Variants in RSPO2 observed in about 807,000 individuals in gnomAD.
The protein encoded by RSPO2 is R-spondin 2.
Under a neutral mutation model 30.9 loss-of-function variants are expected in RSPO2, and 14 were observed. That is an observed-to-expected ratio of 0.45 (90% CI 0.30 to 0.71). The LOEUF is 0.71. Among genes scored for constraint, RSPO2 ranks in the 30% least tolerant of loss-of-function variants. RSPO2 has a pLI of 0.08. For missense variants in RSPO2, 264 were observed against 301.9 expected, an observed-to-expected ratio of 0.87 and a Z score of 0.93; for synonymous variants, 107 against 96.4, an observed-to-expected ratio of 1.11 and a Z score of -0.64.
chr8:107,977,301 C>A (rs1167823217), intron 3 of RSPO2, among the ~76,000 whole-genome samples: 1 of 152,144 alleles, frequency 6.6e-6, no homozygotes, highest in Non-Finnish European at 1.5e-5. Context: ...AGTCTTTGAG[C>A]CAGTCGGGTC....
At chr8:108,047,938 A>G (rs1054023770) in intron 2 of RSPO2, among the ~76,000 whole-genome samples, 3 of 151,852 alleles carry the variant, frequency 2.0e-5, no homozygotes, top group Non-Finnish European at 4.4e-5. Flanking sequence ...GCAGGTTAAG[A>G]GATTGACACA....
rs184979573 is a variant in RSPO2, at chr8:107,923,699, A to C, written c.617-22509T>G. ...CCCATCAATGATAGACTGGATAAAG[A>C]AAATGTAGTACATATATACCATGGA... On this transcript the variant is annotated intron_variant, in intron 5 of 5. Coordinates refer to ENST00000276659, the MANE Select transcript of RSPO2 (RefSeq NM_178565.5). Among the ~76,000 whole-genome samples the C allele has an allele frequency of 3.4e-3, 521 of 152,322 alleles. 2 individuals are homozygous for C. The highest frequency in any genetic ancestry group is 0.012 in the African/African-American group (492 of 41,568).
rs13263690 is a variant in RSPO2 at position 108,029,092 on chromosome 8, T to G, written c.95-39848A>C. ...TTTTTTTTTTTTTTTTTTTTTTTTT[T>G]GCCTAAAAAGGAAATCCTCTGCATC... On this transcript the variant is annotated intron_variant, in intron 2 of 5. Coordinates refer to ENST00000276659, the MANE Select transcript of RSPO2 (RefSeq NM_178565.5). Among the ~76,000 whole-genome samples the G allele has an allele frequency of 8.5e-3, 952 of 112,402 alleles. 24 individuals are homozygous for G. Among genetic ancestry groups the G allele is most frequent in the African/African-American group, 0.035 (886 of 25,336 alleles). 73.7% of individuals were successfully genotyped at this position (112,402 alleles called of 152,430 possible). A position where few individuals can be genotyped will look rare whatever the true frequency, so the allele number is the denominator to read the frequency against.
chr8:108,010,599 A>G (rs1425329331), intron 2 of RSPO2, among the ~76,000 whole-genome samples: 2 of 152,158 alleles, frequency 1.3e-5, no homozygotes, highest in Non-Finnish European at 2.9e-5. Flanking sequence ...AGATGCAGAG[A>G]GCCTGGACAC....
At chr8:108,037,769 C>T (rs1811640898) in intron 2 of RSPO2, among the ~76,000 whole-genome samples, 1 of 152,140 alleles carries the variant, frequency 6.6e-6, no homozygotes. Flanking sequence ...ATTATACTAG[C>T]TCTACTCTGC....
chr8:108,003,653 A>G (rs964786658), intron 2 of RSPO2, among the ~76,000 whole-genome samples: 7 of 152,114 alleles, frequency 4.6e-5, no homozygotes, highest in African/African-American at 1.7e-4. Flanking sequence ...AAAAAACAGC[A>G]AAGTCAAAAT....
chr8:107,962,247 T>C (rs915169486), intron 3 of RSPO2, among the ~76,000 whole-genome samples: 4 of 152,142 alleles, frequency 2.6e-5, no homozygotes, highest in African/African-American at 9.7e-5. Flanking sequence ...GTTAAATCAC[T>C]GAAGATTTCA....
intron 5 of RSPO2, among the ~76,000 whole-genome samples, chr8:107,926,898 T>C (rs1189090403): frequency 2.0e-5 from 3 of 152,218 alleles, no homozygotes; most frequent in African/African-American, 4.8e-5. Context: ...TGGTTCCATA[T>C]GAACTTTAAA....
intron 2 of RSPO2, among the ~76,000 whole-genome samples, chr8:108,065,883 C>A (rs1337123609): frequency 6.6e-6 from 1 of 151,850 alleles, no homozygotes; most frequent in Admixed American, 6.6e-5. Context: ...ACTAAAAATA[C>A]AAAAATTAGC....
At chr8:107,908,377 A>T (rs1811718996) in intron 5 of RSPO2, among the ~76,000 whole-genome samples, 1 of 152,230 alleles carries the variant, frequency 6.6e-6, no homozygotes, top group Non-Finnish European at 1.5e-5. Flanking sequence ...AAGCACAAAC[A>T]AGAAGAGATA....
chr8:108,059,958 A>T (rs200825505), intron 2 of RSPO2, among the ~76,000 whole-genome samples: 1 of 151,504 alleles, frequency 6.6e-6, no homozygotes, highest in South Asian at 2.1e-4. Flanking sequence ...CATATGTAAC[A>T]AACCTGCACA....
chr8:107,966,260 T>A (rs1813801324), intron 3 of RSPO2, among the ~76,000 whole-genome samples: 1 of 152,162 alleles, frequency 6.6e-6, no homozygotes, highest in South Asian at 2.1e-4. Flanking sequence ...GCCATGAGCA[T>A]AACATCACCA....
intron 2 of RSPO2, among the ~76,000 whole-genome samples, chr8:107,998,449 T>C (rs188173676): frequency 2.0e-5 from 3 of 152,284 alleles, no homozygotes; most frequent in Admixed American, 2.0e-4. Context: ...AAAATGCCTA[T>C]CTTAAGATAC....
At position 108,060,524 on chromosome 8, in the gene RSPO2, T is replaced by C. The variant is rs531606418; in HGVS notation, c.94+22021A>G. Among the ~76,000 whole-genome samples, 17 of 151,830 alleles carry C rather than the reference T, an allele frequency of 1.1e-4. No individual in the cohort carries two copies. In the South Asian group the frequency reaches 1.9e-3, roughly 17 times the overall value. On this transcript the variant is annotated intron_variant, in intron 2 of 5. Coordinates refer to ENST00000276659, the MANE Select transcript of RSPO2 (RefSeq NM_178565.5). ...AAACAAACAAAGCCTCCAAGAAATA[T>C]GGGACTATGTGAAAAGACCAAATCT...
intron 3 of RSPO2, among the ~76,000 whole-genome samples, chr8:107,976,362 A>G (rs1461603612): frequency 1.3e-5 from 2 of 152,210 alleles, no homozygotes; most frequent in Non-Finnish European, 2.9e-5. Flanking sequence ...AGCTCTCCAT[A>G]CTGTGTGTCC....
In RSPO2 at chr8:108,022,893, C is replaced by T. The variant is rs1039498315; in HGVS notation, c.95-33649G>A. 5.3e-5 allele frequency among the ~76,000 whole-genome samples: 8 copies of T among 150,588 alleles called. No individual in the cohort carries two copies. In the East Asian group the frequency reaches 1.2e-3, roughly 22 times the overall value. On this transcript the variant is annotated intron_variant, in intron 2 of 5. Transcript: ENST00000276659. ...TGAGCTGAGATTGCACCATTGCACT[C>T]CAGCCTGGACAACAAGAACAAAACT...
intron 5 of RSPO2, among the ~76,000 whole-genome samples, chr8:107,955,372 G>A (rs1379689418): frequency 1.3e-5 from 2 of 152,064 alleles, no homozygotes; most frequent in African/African-American, 2.4e-5. Flanking sequence ...AAGTTGACAC[G>A]ATGTAGGGAC....
chr8:108,079,393 T>C (rs1813115114), intron 2 of RSPO2, among the ~76,000 whole-genome samples: 2 of 152,154 alleles, frequency 1.3e-5, no homozygotes, highest in Admixed American at 1.3e-4. Flanking sequence ...AGTCTTATTG[T>C]TCGTGATGAT....
At chr8:108,077,722 CTATT>C (rs1180671287) in intron 2 of RSPO2, among the ~76,000 whole-genome samples, 1 of 152,052 alleles carries the variant, frequency 6.6e-6, no homozygotes, top group Non-Finnish European at 1.5e-5. Flanking sequence ...AGCATGTTTT[CTATT>C]TATTCTGGAT....
Sources: allele counts gnomAD v4.1 joint callset (sites outside exome capture counted in the v4.1 genomes callset), GRCh38; gene constraint gnomAD v4.1.1; transcripts MANE v1.5; gene names NCBI Gene and HGNC (gene_info 2026-07-23, HGNC 2026-07-21).